NRXN1: variants seen among roughly 807,000 people sequenced by gnomAD.
NRXN1 encodes the protein neurexin 1.
A neutral mutation model predicts 150.9 loss-of-function variants in NRXN1; 39 were observed. The observed-to-expected ratio is 0.26, with a 90% CI of 0.20 to 0.34. The LOEUF is 0.34. Ranked by LOEUF, NRXN1 falls within the 10% of genes least tolerant of loss-of-function variation. The pLI, the probability that NRXN1 is intolerant of heterozygous loss-of-function variation, is 1.00. For synonymous variants in NRXN1, 924 were observed against 757.0 expected, an observed-to-expected ratio of 1.22 and a Z score of -3.62; for missense variants, 1,815 against 1,949.9, an observed-to-expected ratio of 0.93 and a Z score of 1.30.
At chr2:50,980,316 T>C (rs1043859636) in intron 2 of NRXN1, among the ~76,000 whole-genome samples, 3 of 152,122 alleles carry the variant, frequency 2.0e-5, no homozygotes, top group African/African-American at 4.8e-5. Flanking sequence ...GTAATTAATA[T>C]ATTAATAGTT....
intron 8 of NRXN1, chr2:50,588,837 T>G (rs1673606661): frequency 6.6e-6 from 1 of 152,104 alleles, no homozygotes; most frequent in African/African-American, 2.4e-5. Flanking sequence ...TTGACGCCAG[T>G]GGAAATGGCG....
chr2:50,713,716 A>G lies in NRXN1; in HGVS notation c.833-90101T>C, dbSNP rs367801021. On this transcript the variant is annotated intron_variant, in intron 5 of 22. Transcript: ENST00000401669. Reference sequence around the variant, plus strand: ...AAAAAAACAGATAAATTATTACATCATTAATTAACAGTGGTATTTACCAAA... The same window carrying G: ...AAAAAAACAGATAAATTATTACATCGTTAATTAACAGTGGTATTTACCAAA... 3.3e-5 allele frequency among the ~76,000 whole-genome samples: 5 copies of G among 152,324 alleles called. No homozygotes were observed. The East Asian group carries it at 9.7e-4, about 29-fold the overall frequency.
At chr2:50,968,544 C>G (rs1230525006) in intron 2 of NRXN1, among the ~76,000 whole-genome samples, 1 of 152,050 alleles carries the variant, frequency 6.6e-6, no homozygotes, top group Admixed American at 6.6e-5. Flanking sequence ...GGATCCACTT[C>G]CTGTTTCTGA....
intron 22 of NRXN1, among the ~76,000 whole-genome samples, chr2:49,930,480 G>A (rs1669943576): frequency 6.6e-6 from 1 of 152,078 alleles, no homozygotes; most frequent in African/African-American, 2.4e-5. Context: ...ATGCTGGTGA[G>A]AATATTCTTA....
At chr2:50,788,379 G>A (rs551670124) in intron 5 of NRXN1, among the ~76,000 whole-genome samples, 3 of 152,022 alleles carry the variant, frequency 2.0e-5, no homozygotes, top group Non-Finnish European at 1.5e-5. Context: ...GAGCCACCGC[G>A]CCCGGCCTCC....
chr2:50,450,982 T>G (rs1009036422), intron 17 of NRXN1, among the ~76,000 whole-genome samples: 1 of 152,228 alleles, frequency 6.6e-6, no homozygotes, highest in East Asian at 1.9e-4. Context: ...AATTTCACAA[T>G]ATTTTGTTGT....
At chr2:50,184,605 T>A (rs1479740080) in intron 18 of NRXN1, among the ~76,000 whole-genome samples, 1 of 152,056 alleles carries the variant, frequency 6.6e-6, no homozygotes, top group African/African-American at 2.4e-5. Flanking sequence ...TCCACTATCA[T>A]AATGGTGATT....
intron 2 of NRXN1, among the ~76,000 whole-genome samples, chr2:50,955,026 G>A (rs1332192796): frequency 6.6e-6 from 1 of 152,126 alleles, no homozygotes; most frequent in Admixed American, 6.6e-5. Flanking sequence ...GATAAAAAAA[G>A]GGAAAGAAGC....
chr2:50,487,847 C>A (rs373779353), intron 15 of NRXN1, among the ~76,000 whole-genome samples: 8 of 152,200 alleles, frequency 5.3e-5, no homozygotes, highest in Non-Finnish European at 8.8e-5. Flanking sequence ...TGGTTAGGAC[C>A]CTCGCATCTG....
intron 17 of NRXN1, among the ~76,000 whole-genome samples, chr2:50,334,192 A>AATATATATATATATATATATATATAT (rs1553457969): frequency 8.4e-6 from 1 of 118,974 alleles, no homozygotes; most frequent in African/African-American, 4.3e-5. Flanking sequence ...ACCAGGACCA[A>AATATATATATATATATATATATATAT]ATATATATAT....
chr2:50,231,976 C>T (rs1241914282), intron 18 of NRXN1, among the ~76,000 whole-genome samples: 1 of 152,088 alleles, frequency 6.6e-6, no homozygotes, highest in Non-Finnish European at 1.5e-5. Context: ...TTGTGTAACA[C>T]TTCACAGTTT....
chr2:50,100,590 C>T (rs926776846), intron 18 of NRXN1, among the ~76,000 whole-genome samples: 2 of 151,934 alleles, frequency 1.3e-5, no homozygotes, highest in African/African-American at 4.8e-5. Context: ...ATTCTCAAAC[C>T]ATTATGAAGT....
chr2:50,692,930 G>T (rs1692277864), intron 5 of NRXN1, among the ~76,000 whole-genome samples: 2 of 152,116 alleles, frequency 1.3e-5, no homozygotes, highest in Admixed American at 1.3e-4. Flanking sequence ...AATTTAAAAA[G>T]AGCAATGTGG....
chr2:50,890,318 T>TA (rs1680862090), intron 5 of NRXN1, among the ~76,000 whole-genome samples: 1 of 151,832 alleles, frequency 6.6e-6, no homozygotes, highest in African/African-American at 2.4e-5. Context: ...TCACAAAACT[T>TA]AGAGAAGACA....
At chr2:50,106,229 A>G (rs1266480796) in intron 18 of NRXN1, among the ~76,000 whole-genome samples, 4 of 151,758 alleles carry the variant, frequency 2.6e-5, no homozygotes, top group African/African-American at 4.8e-5. Flanking sequence ...TTTCTCCCCA[A>G]GCTTATAAGC....
intron 15 of NRXN1, among the ~76,000 whole-genome samples, chr2:50,484,650 A>G (rs140026314): frequency 6.6e-6 from 1 of 152,326 alleles, no homozygotes; most frequent in East Asian, 1.9e-4. Flanking sequence ...TGCAGAATAT[A>G]TATAAAGGAC....
At chr2:50,110,356 G>A (rs891601264) in intron 18 of NRXN1, among the ~76,000 whole-genome samples, 5 of 151,948 alleles carry the variant, frequency 3.3e-5, no homozygotes, top group Non-Finnish European at 7.4e-5. Context: ...GCCGGGTGTC[G>A]TGGCAGGTGC....
chr2:49,980,087 A>C (rs180962087), intron 21 of NRXN1, among the ~76,000 whole-genome samples: 90 of 152,242 alleles, frequency 5.9e-4, no homozygotes, highest in Non-Finnish European at 8.8e-5. Flanking sequence ...AGAAATTGGG[A>C]CTCAGAGGGA....
chr2:50,135,589 G>A (rs1706274276), intron 18 of NRXN1, among the ~76,000 whole-genome samples: 1 of 152,098 alleles, frequency 6.6e-6, no homozygotes, highest in South Asian at 2.1e-4. Flanking sequence ...TACTCAGGAG[G>A]CTGAGGCGGG....
Sources: gnomAD v4.1 joint callset for allele counts (sites outside exome capture counted in the v4.1 genomes callset) on GRCh38, gnomAD v4.1.1 for gene constraint, MANE v1.5 for transcripts, NCBI Gene and HGNC (gene_info 2026-07-23, HGNC 2026-07-21) for gene names.